FBXL20: variants seen among roughly 807,000 people sequenced by gnomAD.
FBXL20 encodes the protein F-box and leucine rich repeat protein 20, also known as F-box/LRR-repeat protein 20.
A neutral mutation model predicts 64.0 loss-of-function variants in FBXL20; 11 were observed. The ratio of observed to expected loss-of-function variants is 0.17; its 90% CI spans 0.11 to 0.28. The LOEUF is 0.28. Ranked by LOEUF, FBXL20 falls within the 10% of genes least tolerant of loss-of-function variation. FBXL20 has a pLI of 1.00. For missense variants in FBXL20, 303 were observed against 526.2 expected, an observed-to-expected ratio of 0.58 and a Z score of 4.15; for synonymous variants, 184 against 189.0, an observed-to-expected ratio of 0.97 and a Z score of 0.22.
intron 6 of FBXL20, among the ~76,000 whole-genome samples, chr17:39,292,139 T>TA (rs2144417156): frequency 6.6e-6 from 1 of 150,850 alleles, no homozygotes; most frequent in East Asian, 1.9e-4. Flanking sequence ...AGTTCATTGA[T>TA]AGTGTTGCTG....
At chr17:39,261,670 C>T (rs2046746599) in intron 14 of FBXL20, 103 bp from the exon 15 acceptor site, 1 of 821,910 alleles carries the variant, frequency 1.2e-6, no homozygotes, top group Non-Finnish European at 2.0e-6. Context: ...AACATAAAAG[C>T]AGGGCAAAGG....
rs1428312614 is a variant in FBXL20, at chr17:39,337,767, A to G, written c.104+5413T>C. 2.6e-5 allele frequency among the ~76,000 whole-genome samples: 4 copies of G among 150,946 alleles called. No individual in the cohort carries two copies. In the East Asian group the frequency reaches 7.8e-4, roughly 30 times the overall value. On this transcript the variant is annotated intron_variant, in intron 2 of 14. Transcript: ENST00000264658. ...CCGACGGGCAGCCACCCCATCCGGGAGGGAGGTGGGGGTCAGCCCCCGCCA... is the reference window on the plus strand; with the variant it reads ...CCGACGGGCAGCCACCCCATCCGGGGGGGAGGTGGGGGTCAGCCCCCGCCA...
chr17:39,350,081 CAA>C (rs144404217), intron 1 of FBXL20, among the ~76,000 whole-genome samples: 1,632 of 152,114 alleles, frequency 0.011, 27 homozygotes, highest in African/African-American at 0.037. Flanking sequence ...TTTTAGAAAA[CAA>C]AGTATTAAAT....
chr17:39,370,622 T>TA (rs71300074), intron 1 of FBXL20, among the ~76,000 whole-genome samples: 4,652 of 136,110 alleles, frequency 0.034, 210 homozygotes, highest in African/African-American at 0.11. Flanking sequence ...CCGTCTCTAC[T>TA]AAAAAAAAAA....
chr17:39,356,491 G>A (rs1255031661), intron 1 of FBXL20, among the ~76,000 whole-genome samples: 2 of 152,024 alleles, frequency 1.3e-5, no homozygotes, highest in Non-Finnish European at 2.9e-5. Context: ...AAGTGGCTGG[G>A]ACTACAGGTA....
At chr17:39,341,373 C>T (rs2047581349) in intron 2 of FBXL20, among the ~76,000 whole-genome samples, 2 of 152,086 alleles carry the variant, frequency 1.3e-5, no homozygotes, top group South Asian at 2.1e-4. Flanking sequence ...CCAAATCAAG[C>T]TCTCAATGAT....
At chr17:39,370,200 A>T (rs2047901884) in intron 1 of FBXL20, among the ~76,000 whole-genome samples, 1 of 152,020 alleles carries the variant, frequency 6.6e-6, no homozygotes, top group South Asian at 2.1e-4. Flanking sequence ...TTAAAAAAAA[A>T]AAAAAGAGGA....
chr17:39,359,333 T>C (rs373278968), intron 1 of FBXL20, among the ~76,000 whole-genome samples: 4 of 151,804 alleles, frequency 2.6e-5, no homozygotes, highest in African/African-American at 9.7e-5. Flanking sequence ...CACAGCAAGA[T>C]CCTGTCTCAA....
In FBXL20 at chr17:39,253,162, G is replaced by A. The variant is rs2046665729; in HGVS notation, c.*8298C>T. On this transcript the variant is annotated 3_prime_UTR_variant, in exon 15 of 15. Coordinates refer to ENST00000264658, the MANE Select transcript of FBXL20 (RefSeq NM_032875.3). ...GGGATGAAACAGAGCCTGGTATGAA[G>A]ATAAAAATGTCTCCAACAGCACCAT... 1 of 152,718 alleles carries A rather than the reference G, an allele frequency of 6.5e-6. No individual in the cohort carries two copies. The highest frequency in any genetic ancestry group is 6.5e-5 in the Admixed American group (1 of 15,284). The allele number at this position is 152,718 out of a possible 1,614,324, so 9.5% of individuals were successfully genotyped here.
At chr17:39,364,767 A>C (rs372802899) in intron 1 of FBXL20, among the ~76,000 whole-genome samples, 2 of 152,230 alleles carry the variant, frequency 1.3e-5, no homozygotes, top group East Asian at 1.9e-4. Context: ...CATGTGGAGA[A>C]CAAGAACTGG....
intron 2 of FBXL20, among the ~76,000 whole-genome samples, chr17:39,307,989 AT>A (rs958008544): frequency 6.7e-6 from 1 of 148,290 alleles, no homozygotes; most frequent in African/African-American, 2.5e-5. Context: ...AAAAAAAAAA[AT>A]TTAAAAGACT....
intron 2 of FBXL20, among the ~76,000 whole-genome samples, chr17:39,313,595 C>A (rs1271362726): frequency 6.6e-6 from 1 of 151,968 alleles, no homozygotes; most frequent in Admixed American, 6.6e-5. Flanking sequence ...AGGGTTTTAG[C>A]TACTACAGCA....
At chr17:39,319,130 T>C (rs2047325110) in intron 2 of FBXL20, among the ~76,000 whole-genome samples, 1 of 151,432 alleles carries the variant, frequency 6.6e-6, no homozygotes, top group Admixed American at 6.6e-5. Flanking sequence ...ATGCCTGTAA[T>C]TCCAGCTACT....
intron 6 of FBXL20, among the ~76,000 whole-genome samples, chr17:39,287,342 A>C (rs939468249): frequency 4.6e-5 from 7 of 152,214 alleles, no homozygotes; most frequent in African/African-American, 1.7e-4. Context: ...GATCCAAACA[A>C]GAGTCACACA....
chr17:39,302,437 A>C (rs908268991), intron 3 of FBXL20, among the ~76,000 whole-genome samples: 1 of 147,714 alleles, frequency 6.8e-6, no homozygotes, highest in Non-Finnish European at 1.5e-5. Flanking sequence ...GCAGTGGTGC[A>C]ATCTTGGCTC....
At chr17:39,279,738 A>T (rs1567861600) in intron 9 of FBXL20, among the ~76,000 whole-genome samples, 1 of 152,098 alleles carries the variant, frequency 6.6e-6, no homozygotes, top group Non-Finnish European at 1.5e-5. Context: ...TCTACAAAAA[A>T]AATACAAAAA....
intron 1 of FBXL20, among the ~76,000 whole-genome samples, chr17:39,394,360 C>T (rs913719664): frequency 6.6e-6 from 1 of 151,028 alleles, no homozygotes; most frequent in Non-Finnish European, 1.5e-5. Context: ...GCAAGCTCCA[C>T]CTCCCAGGTT....
rs1567896925 is a variant in FBXL20, at chr17:39,363,811, A to AAAAAAAAAAAAAC, written c.43-20571_43-20570insGTTTTTTTTTTTT. ...GGGTGACAGAGCAAGACTTTATCTC[A>AAAAAAAAAAAAAC]AAAAAAAAAAAAAAACAAAAAACAA... On this transcript the variant is annotated intron_variant, in intron 1 of 14. Transcript: ENST00000264658. Among the ~76,000 whole-genome samples the AAAAAAAAAAAAAC allele has an allele frequency of 7.5e-3, 841 of 112,266 alleles. 12 individuals carry two copies. Among genetic ancestry groups the AAAAAAAAAAAAAC allele is most frequent in the African/African-American group, 0.013 (359 of 28,440 alleles). The allele number at this position is 112,266 out of a possible 152,430, so 73.7% of individuals were successfully genotyped here.
chr17:39,319,888 A>G (rs1299381629), intron 2 of FBXL20, among the ~76,000 whole-genome samples: 1 of 152,082 alleles, frequency 6.6e-6, no homozygotes, highest in African/African-American at 2.4e-5. Context: ...CTGAGATTGC[A>G]AGCATGAGCC....
Sources: gnomAD v4.1 joint callset for allele counts (sites outside exome capture counted in the v4.1 genomes callset) on GRCh38, gnomAD v4.1.1 for gene constraint, MANE v1.5 for transcripts, NCBI Gene and HGNC (gene_info 2026-07-23, HGNC 2026-07-21) for gene names.